The following PTPRD variants were observed in gnomAD, a reference collection of about 807,000 sequenced individuals.
PTPRD encodes protein tyrosine phosphatase receptor type D, also known as receptor-type tyrosine-protein phosphatase delta.
In PTPRD, 34 loss-of-function variants were observed where a neutral mutation model predicts 214.5. The observed-to-expected ratio is 0.16, with a 90% CI of 0.12 to 0.21. PTPRD has a LOEUF of 0.21. Among genes scored for constraint, PTPRD ranks in the 10% least tolerant of loss-of-function variants. The probability of loss-of-function intolerance (pLI) is 1.00; values close to 1 mark genes in which losing one functional copy is unlikely to be tolerated. For synonymous variants in PTPRD, 1,128 were observed against 845.7 expected, an observed-to-expected ratio of 1.33 and a Z score of -5.79; for missense variants, 2,545 against 2,398.7, an observed-to-expected ratio of 1.06 and a Z score of -1.27.
intron 14 of PTPRD, among the ~76,000 whole-genome samples, chr9:8,595,844 CTCT>C (rs2094448531): frequency 6.6e-6 from 1 of 152,136 alleles, no homozygotes; most frequent in South Asian, 2.1e-4. Flanking sequence ...AAAATTCCTG[CTCT>C]ATGTGTCTCT....
chr9:9,772,170 T>C (rs747693876), intron 5 of PTPRD, among the ~76,000 whole-genome samples: 1 of 152,064 alleles, frequency 6.6e-6, no homozygotes, highest in Non-Finnish European at 1.5e-5. Context: ...AAGAGGAGGA[T>C]GCTAGAACAC....
chr9:9,031,325 T>C (rs540992376), intron 10 of PTPRD, among the ~76,000 whole-genome samples: 2 of 152,174 alleles, frequency 1.3e-5, no homozygotes, highest in South Asian at 4.1e-4. Flanking sequence ...GAGAAACGCA[T>C]TGTTAGGCAA....
At chr9:10,032,287 A>T (rs190998995) in intron 4 of PTPRD, among the ~76,000 whole-genome samples, 18 of 152,306 alleles carry the variant, frequency 1.2e-4, no homozygotes, top group Admixed American at 9.8e-4. Context: ...AAAACTAAAG[A>T]CATTACTAAG....
intron 4 of PTPRD, 105 bp from the exon 5 acceptor site, chr9:9,938,715 A>C (rs895169795): frequency 2.6e-5 from 4 of 152,180 alleles, no homozygotes; most frequent in Non-Finnish European, 5.9e-5. Context: ...ATTTATCAGA[A>C]TGCTCAACAC....
At chr9:9,493,469 T>G (rs181827745) in intron 8 of PTPRD, among the ~76,000 whole-genome samples, 1 of 152,142 alleles carries the variant, frequency 6.6e-6, no homozygotes, top group South Asian at 2.1e-4. Flanking sequence ...AGAGTAACTT[T>G]GACTTTCCAG....
intron 11 of PTPRD, among the ~76,000 whole-genome samples, chr9:8,904,776 A>G (rs1455109681): frequency 6.8e-6 from 1 of 146,266 alleles, no homozygotes; most frequent in Non-Finnish European, 1.5e-5. Context: ...TTTCTAAAAT[A>G]ACAAATGTAC....
At chr9:8,871,360 AATGTGGGGCATACACAT>A (rs144802319) in intron 11 of PTPRD, among the ~76,000 whole-genome samples, 22,230 of 152,108 alleles carry the variant, frequency 0.15, 2,048 homozygotes, top group South Asian at 0.23. Flanking sequence ...TCACTAAGGA[AATGTGGGGCATACACAT>A]AGGCCCTAGA....
intron 9 of PTPRD, among the ~76,000 whole-genome samples, chr9:9,348,030 T>G (rs781187968): frequency 3.2e-4 from 48 of 152,154 alleles, no homozygotes; most frequent in Non-Finnish European, 6.5e-4. Flanking sequence ...AGTATGCATA[T>G]TCATCTACTT....
chr9:9,066,569 T>C (rs1243807241), intron 10 of PTPRD, among the ~76,000 whole-genome samples: 1 of 152,094 alleles, frequency 6.6e-6, no homozygotes, highest in Non-Finnish European at 1.5e-5. Flanking sequence ...ACAAAAAGTT[T>C]TGCAGATGTG....
chr9:9,132,252 G>A (rs758473093), intron 10 of PTPRD, among the ~76,000 whole-genome samples: 3 of 152,024 alleles, frequency 2.0e-5, no homozygotes, highest in Non-Finnish European at 2.9e-5. Flanking sequence ...CTTGTGATCC[G>A]CCCGCTTCGG....
At position 9,390,720 on chromosome 9, in the gene PTPRD, G is replaced by A. The variant is rs533820464; in HGVS notation, c.-203+6729C>T. On this transcript the variant is annotated intron_variant, in intron 9 of 45. Transcript: ENST00000381196. ...AAGCAGACTTAGTGTTGCTTTTAAGGAGGACAGCAGGCACAGTCTTATCAA... is the reference window on the plus strand; with the variant it reads ...AAGCAGACTTAGTGTTGCTTTTAAGAAGGACAGCAGGCACAGTCTTATCAA... Among the ~76,000 whole-genome samples the A allele has an allele frequency of 5.3e-5, 8 of 152,234 alleles. No individual in the cohort carries two copies. The South Asian group carries it at 1.7e-3, about 32-fold the overall frequency.
chr9:10,115,125 G>C (rs990802060), intron 3 of PTPRD, among the ~76,000 whole-genome samples: 1 of 151,818 alleles, frequency 6.6e-6, no homozygotes, highest in Admixed American at 6.6e-5. Context: ...TACAGAAGCA[G>C]TAAAAATACG....
At chr9:9,872,961 A>C (rs1371859517) in intron 5 of PTPRD, among the ~76,000 whole-genome samples, 3 of 152,150 alleles carry the variant, frequency 2.0e-5, no homozygotes, top group African/African-American at 4.8e-5. Context: ...CAAATAACTC[A>C]ACAATCAATG....
intron 3 of PTPRD, among the ~76,000 whole-genome samples, chr9:10,134,491 T>C (rs1459162883): frequency 6.6e-6 from 1 of 152,166 alleles, no homozygotes; most frequent in Non-Finnish European, 1.5e-5. Context: ...CTGGCCATTG[T>C]TCTTAAGTGC....
intron 39 of PTPRD, among the ~76,000 whole-genome samples, chr9:8,350,392 T>G (rs528109447): frequency 3.6e-4 from 55 of 152,306 alleles, no homozygotes; most frequent in African/African-American, 1.3e-3. Context: ...TGTGAGCATT[T>G]TGTACATATG....
At chr9:10,316,510 G>C (rs2096437354) in intron 3 of PTPRD, among the ~76,000 whole-genome samples, 1 of 151,796 alleles carries the variant, frequency 6.6e-6, no homozygotes, top group Non-Finnish European at 1.5e-5. Flanking sequence ...AAAACAAAAA[G>C]AAAAGCCAAA....
intron 7 of PTPRD, among the ~76,000 whole-genome samples, chr9:9,655,003 ATAG>A (rs2096471129): frequency 6.8e-6 from 1 of 146,882 alleles, no homozygotes; most frequent in African/African-American, 2.6e-5. Flanking sequence ...ATATATATAT[ATAG>A]ATATAGATAT....
chr9:10,358,258 T>C (rs1318288279), intron 2 of PTPRD, among the ~76,000 whole-genome samples: 6 of 152,088 alleles, frequency 3.9e-5, no homozygotes, highest in African/African-American at 1.4e-4. Flanking sequence ...AATACTTTTG[T>C]CCAGAAATTC....
chr9:9,610,899 A>G (rs1005027853), intron 7 of PTPRD, among the ~76,000 whole-genome samples: 1 of 152,194 alleles, frequency 6.6e-6, no homozygotes, highest in Non-Finnish European at 1.5e-5. Context: ...AACCCACATG[A>G]AGACCAGGGG....
Sources: allele counts gnomAD v4.1 joint callset (sites outside exome capture counted in the v4.1 genomes callset), GRCh38; gene constraint gnomAD v4.1.1; transcripts MANE v1.5; gene names NCBI Gene and HGNC (gene_info 2026-07-23, HGNC 2026-07-21).